S100Z: variants seen among roughly 807,000 people sequenced by gnomAD.
The protein encoded by S100Z is S100 calcium binding protein Z, also known as protein S100-Z.
S100Z carries 11 observed loss-of-function variants against 8.5 expected under a neutral mutation model. The ratio of observed to expected loss-of-function variants is 1.30; its 90% CI spans 0.82 to 2.15. The LOEUF (loss-of-function observed/expected upper bound fraction) is 2.15, where lower values mean the gene tolerates loss of function less well. Among genes scored for constraint, S100Z ranks in the 30% most tolerant of loss-of-function variants. The pLI is 0.00. For missense variants in S100Z, 126 were observed against 117.9 expected (o/e 1.07, Z -0.32); for synonymous variants, 34 against 43.8 (o/e 0.78, Z 0.89).
chr5:76,869,866 C>A (rs997193593), intron 1 of S100Z, among the ~76,000 whole-genome samples: 4 of 151,922 alleles, frequency 2.6e-5, no homozygotes, highest in Non-Finnish European at 5.9e-5. Context: ...TAAAAACACA[C>A]AAAATAATTA....
chr5:76,887,948 A>C (rs879410324), intron 4 of S100Z, among the ~76,000 whole-genome samples: 1 of 151,928 alleles, frequency 6.6e-6, no homozygotes, highest in Non-Finnish European at 1.5e-5. Flanking sequence ...TTCAAAAGTT[A>C]TGTTGTAGGA....
At chr5:76,939,567 C>G in the S100Z span, among the ~76,000 whole-genome samples, 1 of 146,086 alleles carries the variant, frequency 6.8e-6, no homozygotes, top group Non-Finnish European at 1.5e-5. Flanking sequence ...GGTTGGAGTG[C>G]AATGGTGCGA....
chr5:76,888,367 ATTTTTTTTTTT>A (rs1171043164), intron 4 of S100Z, among the ~76,000 whole-genome samples: 1 of 45,426 alleles, frequency 2.2e-5, no homozygotes, highest in Admixed American at 3.4e-4. Flanking sequence ...AAGTGCTGGT[ATTTTTTTTTTT>A]TTTTTTTTTT....
chr5:76,917,354 T>C (rs949766553), intron 4 of S100Z, among the ~76,000 whole-genome samples: 2 of 152,172 alleles, frequency 1.3e-5, no homozygotes, highest in Non-Finnish European at 2.9e-5. Context: ...ATACTATTCA[T>C]AGATAGTCAC....
At chr5:76,855,691 C>T (rs1750862412) in intron 1 of S100Z, among the ~76,000 whole-genome samples, 2 of 152,152 alleles carry the variant, frequency 1.3e-5, no homozygotes, top group South Asian at 4.1e-4. Context: ...TGCCTTGTCT[C>T]AGATGAGATT....
intron 4 of S100Z, among the ~76,000 whole-genome samples, chr5:76,919,702 G>C (rs1744977729): frequency 6.6e-6 from 1 of 150,748 alleles, no homozygotes; most frequent in East Asian, 1.9e-4. Context: ...AAATTCCTGG[G>C]TTCAAGCAAT....
intron 4 of S100Z, among the ~76,000 whole-genome samples, chr5:76,879,874 G>C (rs1433220229): frequency 6.6e-6 from 1 of 152,154 alleles, no homozygotes; most frequent in Admixed American, 6.6e-5. Flanking sequence ...ACGAAGACTT[G>C]ACCACTAGAT....
intron 4 of S100Z, among the ~76,000 whole-genome samples, chr5:76,917,252 A>T (rs1414554413): frequency 6.6e-6 from 1 of 152,182 alleles, no homozygotes; most frequent in Non-Finnish European, 1.5e-5. Flanking sequence ...GTTTATAATT[A>T]TGTATTAACA....
chr5:76,855,745 T>G (rs972555885), intron 1 of S100Z, among the ~76,000 whole-genome samples: 13 of 152,156 alleles, frequency 8.5e-5, no homozygotes, highest in Non-Finnish European at 7.4e-5. Flanking sequence ...CTGGAATGAG[T>G]TAAGACTTTG....
Position 76,895,784 on chromosome 5 carries a change from T to C in S100Z, c.*2+17950T>C, listed in dbSNP as rs545597262. 4.2e-3 allele frequency among the ~76,000 whole-genome samples: 609 copies of C among 145,804 alleles called. 1 individual carries two copies. Among genetic ancestry groups the C allele is most frequent in the African/African-American group, 0.015 (566 of 38,848 alleles). ...TTCTTCCTTTTTTTTTTTTTTTTTT[T>C]TTTGAGACAGAGTTTGGCACTGTTG... On this transcript the variant is annotated intron_variant, in intron 4 of 4. Transcript: ENST00000317593.
At chr5:76,850,799 C>G (rs887924193) in intron 1 of S100Z, among the ~76,000 whole-genome samples, 6 of 152,128 alleles carry the variant, frequency 3.9e-5, no homozygotes, top group Non-Finnish European at 8.8e-5. Flanking sequence ...TTGGGTTAGA[C>G]AGAGAAATAA....
intron 4 of S100Z, among the ~76,000 whole-genome samples, chr5:76,903,787 A>T (rs149052383): frequency 1.3e-5 from 2 of 150,506 alleles, no homozygotes; most frequent in Non-Finnish European, 3.0e-5. Context: ...GTGCAGTGGC[A>T]CAATCTTAGA....
chr5:76,887,561 C>G (rs1743692382), intron 4 of S100Z, among the ~76,000 whole-genome samples: 1 of 152,006 alleles, frequency 6.6e-6, no homozygotes, highest in South Asian at 2.1e-4. Context: ...CCACGCCTGG[C>G]TAACTTTTGT....
intron 2 of S100Z, among the ~76,000 whole-genome samples, chr5:76,873,590 G>T (rs976011502): frequency 2.0e-5 from 3 of 152,136 alleles, no homozygotes; most frequent in African/African-American, 7.2e-5. Flanking sequence ...GAGCCACTGT[G>T]CCCAGCCTGA....
the S100Z span, among the ~76,000 whole-genome samples, chr5:76,950,506 G>A: frequency 6.6e-6 from 1 of 152,080 alleles, no homozygotes; most frequent in African/African-American, 2.4e-5. Flanking sequence ...CTGGGGCTTT[G>A]TGAAAGAAAA....
At chr5:76,917,311 T>A (rs1188344571) in intron 4 of S100Z, among the ~76,000 whole-genome samples, 1 of 152,106 alleles carries the variant, frequency 6.6e-6, no homozygotes, top group Non-Finnish European at 1.5e-5. Context: ...AATGTGAGAT[T>A]TCCAGTTTGA....
the S100Z span, among the ~76,000 whole-genome samples, chr5:76,938,115 A>AAAAC: frequency 0.67 from 92,027 of 138,176 alleles, 28,631 homozygotes; most frequent in South Asian, 0.8. Flanking sequence ...AATAAACAAA[A>AAAAC]AAACAAAAAA....
At chr5:76,902,973 G>A in intron 4 of S100Z, among the ~76,000 whole-genome samples, 1 of 152,140 alleles carries the variant, frequency 6.6e-6, no homozygotes, top group East Asian at 1.9e-4. Context: ...ATCATCTGAG[G>A]TCAGGAGTTC....
At chr5:76,905,557 C>T (rs187172964) in intron 4 of S100Z, among the ~76,000 whole-genome samples, 69 of 151,216 alleles carry the variant, frequency 4.6e-4, no homozygotes, top group Middle Eastern at 3.6e-3. Context: ...GGACTACAGG[C>T]GCCTACCACC....
Sources: gnomAD v4.1 joint callset for allele counts (sites outside exome capture counted in the v4.1 genomes callset) on GRCh38, gnomAD v4.1.1 for gene constraint, MANE v1.5 for transcripts, NCBI Gene and HGNC (gene_info 2026-07-23, HGNC 2026-07-21) for gene names.